Variants in LAMA3 observed in about 807,000 individuals in gnomAD.
LAMA3 encodes the protein laminin subunit alpha-3.
In LAMA3, 281 loss-of-function variants were observed where a neutral mutation model predicts 402.0. The observed-to-expected ratio is 0.70, with a 90% CI of 0.63 to 0.77. The LOEUF is 0.77. Ranked by LOEUF, LAMA3 falls within the 30% of genes least tolerant of loss-of-function variation. The pLI is 0.00. For synonymous variants in LAMA3, 1,431 were observed against 1,558.4 expected, an observed-to-expected ratio of 0.92 and a Z score of 1.93; for missense variants, 3,840 against 4,215.5, an observed-to-expected ratio of 0.91 and a Z score of 2.47.
chr18:23,869,081 A>C (rs548406569), intron 37 of LAMA3, among the ~76,000 whole-genome samples: 18 of 152,244 alleles, frequency 1.2e-4, no homozygotes, highest in Admixed American at 1.2e-3. Flanking sequence ...ATATCAGTAA[A>C]ATGATAGAGA....
intron 19 of LAMA3, 70 bp downstream of exon 19, chr18:23,820,067 G>C: frequency 1.4e-6 from 2 of 1,465,650 alleles, no homozygotes; most frequent in Non-Finnish European, 9.6e-7. Context: ...GTCTCAGGGA[G>C]CCCCCTGAAA....
rs2082401763 is a variant in LAMA3, at chr18:23,939,084, A to G, written c.8863-139A>G. The G allele has an allele frequency of 4.5e-6, 4 of 886,898 alleles. No homozygotes were observed. The East Asian group carries it at 7.5e-5, about 17-fold the overall frequency. The allele number at this position is 886,898 out of a possible 1,614,324, so 54.9% of individuals were successfully genotyped here. On this transcript the variant is annotated intron_variant, in intron 67 of 74. Coordinates refer to ENST00000313654, the MANE Select transcript of LAMA3 (RefSeq NM_198129.4). ...GAAGGGCTCTCAGCGGAAACTTCCC[A>G]TCTCCATGGTACCAGGCCTTCTATT...
chr18:23,924,326 T>C (rs933436863), intron 62 of LAMA3, among the ~76,000 whole-genome samples: 1 of 151,916 alleles, frequency 6.6e-6, no homozygotes, highest in South Asian at 2.1e-4. Context: ...TAATTTTTTG[T>C]ATTTTTAGCA....
intron 59 of LAMA3, among the ~76,000 whole-genome samples, chr18:23,916,055 AAAAG>A (rs2081610618): frequency 6.9e-6 from 1 of 144,338 alleles, no homozygotes; most frequent in South Asian, 2.2e-4. Flanking sequence ...AAAGAAAAAG[AAAAG>A]AAAAGAAAAG....
intron 7 of LAMA3, 38 bp from the exon 8 acceptor site, chr18:23,763,367 A>G: frequency 8.3e-7 from 1 of 1,206,114 alleles, no homozygotes; most frequent in Non-Finnish European, 1.2e-6. Flanking sequence ...GTCTGATAGT[A>G]ATAATGAGAA....
intron 2 of LAMA3, among the ~76,000 whole-genome samples, chr18:23,740,549 C>T (rs959770202): frequency 6.6e-6 from 1 of 152,112 alleles, no homozygotes; most frequent in Non-Finnish European, 1.5e-5. Context: ...GTGAGACACT[C>T]TCTCTTCTCC....
At chr18:23,830,243 T>C (rs2063466989) in intron 23 of LAMA3, among the ~76,000 whole-genome samples, 1 of 152,248 alleles carries the variant, frequency 6.6e-6, no homozygotes, top group Non-Finnish European at 1.5e-5. Flanking sequence ...ATGTGAATTC[T>C]CTGTGCCATC....
chr18:23,872,366 C>CTG (rs1329729665), intron 38 of LAMA3, among the ~76,000 whole-genome samples: 2 of 152,198 alleles, frequency 1.3e-5, no homozygotes, highest in Non-Finnish European at 2.9e-5. Flanking sequence ...TAAAATGAAA[C>CTG]TGTTTAATTT....
intron 69 of LAMA3, 102 bp from the exon 70 acceptor site, chr18:23,946,042 C>T: frequency 8.9e-7 from 1 of 1,122,256 alleles, no homozygotes; most frequent in South Asian, 1.3e-5. Context: ...TTTGAAGGAG[C>T]ATGAAAACAT....
At chr18:23,752,287 C>T (rs2061766267) in intron 5 of LAMA3, among the ~76,000 whole-genome samples, 1 of 152,072 alleles carries the variant, frequency 6.6e-6, no homozygotes, top group South Asian at 2.1e-4. Context: ...TGCCCTGGAG[C>T]ACTGCCACAA....
In LAMA3 at chr18:23,896,054, G is replaced by C. The variant is rs140897732; in HGVS notation, c.5613+996G>C. 3.1e-4 allele frequency among the ~76,000 whole-genome samples: 47 copies of C among 152,250 alleles called. No individual in the cohort carries two copies. In the East Asian group the frequency reaches 8.3e-3, roughly 27 times the overall value. The stretch of plus-strand genomic sequence containing the variant: ...CCCATGTGTTATTTAGAAATGTGTT[G>C]ACCAGGCATGGTGGCTCATGCCTGT... On this transcript the variant is annotated intron_variant, in intron 44 of 74. Coordinates refer to ENST00000313654, the MANE Select transcript of LAMA3 (RefSeq NM_198129.4).
Position 23,914,822 on chromosome 18 carries a change from G to A in LAMA3, c.7606G>A (p.Val2536Ile). ...ACTCCTTAATTTGGATCCTGAAAAT[G>A]TTGTATTTTATGTTGGAGGTTACCC... ...NTLLNLDPEN[V>I]VFYVGGYPPD... Residue 2536 changes from valine to isoleucine, a missense_variant, in exon 58 of 75, where the codon GTT (valine) becomes ATT (isoleucine). Val to Ile is a conservative substitution (Grantham distance 29, BLOSUM62 3). This residue lies in a region of LAMA3 where 840 missense variants were observed against 981.9 expected (regional missense o/e 0.86). Transcript: ENST00000313654. 6.2e-7 allele frequency: 1 copy of A among 1,613,216 alleles called. No homozygotes were observed. Among genetic ancestry groups the A allele is most frequent in the Middle Eastern group, 1.6e-4 (1 of 6,062 alleles).
chr18:23,763,355 G>A (rs1270606686), intron 7 of LAMA3, 50 bp from the exon 8 acceptor site: 5 of 1,107,724 alleles, frequency 4.5e-6, no homozygotes, highest in Non-Finnish European at 7.0e-6. Context: ...TATTTACTAA[G>A]CGTCTGATAG....
intron 8 of LAMA3, among the ~76,000 whole-genome samples, chr18:23,765,146 G>A (rs528325574): frequency 3.9e-5 from 6 of 152,158 alleles, no homozygotes; most frequent in Non-Finnish European, 7.3e-5. Flanking sequence ...GCCAAAGTTG[G>A]TCCCATGTGG....
intron 8 of LAMA3, among the ~76,000 whole-genome samples, chr18:23,765,009 A>C (rs2062047029): frequency 6.6e-6 from 1 of 152,238 alleles, no homozygotes; most frequent in South Asian, 2.1e-4. Context: ...AAAACCACAA[A>C]AACCATGATC....
At chr18:23,806,493 G>T (rs1025734471) in intron 12 of LAMA3, among the ~76,000 whole-genome samples, 1 of 152,096 alleles carries the variant, frequency 6.6e-6, no homozygotes, top group East Asian at 1.9e-4. Context: ...TGCCTCAGGG[G>T]AGGCCATTAC....
At chr18:23,763,126 G>A (rs908988382) in intron 7 of LAMA3, among the ~76,000 whole-genome samples, 3 of 152,036 alleles carry the variant, frequency 2.0e-5, no homozygotes, top group African/African-American at 7.2e-5. Context: ...CCAAAGTGCT[G>A]GAATTACAGG....
At chr18:23,913,291 T>C (rs1484148000) in intron 56 of LAMA3, among the ~76,000 whole-genome samples, 4 of 152,200 alleles carry the variant, frequency 2.6e-5, no homozygotes, top group African/African-American at 9.6e-5. Context: ...TTCCTCAGAC[T>C]GCCCAGCCTC....
At chr18:23,950,295 A>G in intron 72 of LAMA3, 136 bp downstream of exon 72, 1 of 924,890 alleles carries the variant, frequency 1.1e-6, no homozygotes, top group South Asian at 1.5e-5. Flanking sequence ...GTGCTAACTT[A>G]CCATTTTCCT....
Sources: allele counts gnomAD v4.1 joint callset (sites outside exome capture counted in the v4.1 genomes callset), GRCh38; gene constraint gnomAD v4.1.1; regional missense constraint gnomAD v4.1.1; transcripts MANE v1.5; gene names NCBI Gene and HGNC (gene_info 2026-07-23, HGNC 2026-07-21).